The following APLP2 variants were observed in gnomAD, a reference collection of about 807,000 sequenced individuals.
APLP2 encodes the protein amyloid beta precursor like protein 2.
In APLP2, 53 loss-of-function variants were observed where a neutral mutation model predicts 89.9. That is an observed-to-expected ratio of 0.59 (90% confidence interval 0.47 to 0.74). The LOEUF is 0.74. APLP2 is among the 30% of genes least tolerant of loss of function. The probability of loss-of-function intolerance (pLI) is 0.00; values close to 1 mark genes in which losing one functional copy is unlikely to be tolerated. For synonymous variants in APLP2, 372 were observed against 348.6 expected (o/e 1.07, Z -0.75); for missense variants, 973 against 975.9 (o/e 1.00, Z 0.04).
At chr11:130,117,441 C>A (rs1248831798) in intron 3 of APLP2, among the ~76,000 whole-genome samples, 2 of 151,972 alleles carry the variant, frequency 1.3e-5, no homozygotes, top group African/African-American at 4.8e-5. Flanking sequence ...TTTGCTTCAT[C>A]TCCATCTTTT....
chr11:130,087,640 C>T (rs1210589816), intron 1 of APLP2, among the ~76,000 whole-genome samples: 5 of 152,098 alleles, frequency 3.3e-5, no homozygotes, highest in Non-Finnish European at 7.4e-5. Context: ...TATTTAACAC[C>T]ATGGCAGGTT....
chr11:130,138,984 A>G (rs1591852711), intron 13 of APLP2: 1 of 152,080 alleles, frequency 6.6e-6, no homozygotes, highest in East Asian at 1.9e-4. Flanking sequence ...GGAGAGAGAA[A>G]CATATATATG....
chr11:130,129,788 G>A (rs1036822014), intron 10 of APLP2, among the ~76,000 whole-genome samples: 13 of 152,226 alleles, frequency 8.5e-5, no homozygotes, highest in African/African-American at 2.2e-4. Flanking sequence ...AGAAGAGAAC[G>A]GGAGTGGGCA....
At chr11:130,124,243 G>A (rs556762504) in intron 7 of APLP2, among the ~76,000 whole-genome samples, 1 of 152,344 alleles carries the variant, frequency 6.6e-6, no homozygotes, top group African/African-American at 2.4e-5. Context: ...CTCGAAAGGA[G>A]TGACAGTGAA....
intron 1 of APLP2, among the ~76,000 whole-genome samples, chr11:130,106,451 A>C (rs573526578): frequency 6.6e-6 from 1 of 152,198 alleles, no homozygotes; most frequent in Non-Finnish European, 1.5e-5. Flanking sequence ...GTGCAACTAG[A>C]GAAAGCATCA....
intron 10 of APLP2, 22 bp downstream of exon 10, chr11:130,129,228 G>T: frequency 6.2e-7 from 1 of 1,602,872 alleles, no homozygotes; most frequent in Non-Finnish European, 8.5e-7. Flanking sequence ...CCCTAGCACT[G>T]CCTGCCCTGA....
intron 8 of APLP2, 80 bp from the exon 9 acceptor site, chr11:130,127,686 T>C (rs746490640): frequency 4.7e-5 from 55 of 1,159,308 alleles, no homozygotes; most frequent in African/African-American, 9.1e-5. Flanking sequence ...AGATTTAGCA[T>C]CTGACAGTGT....
chr11:130,120,740 A>C lies in APLP2; in HGVS notation c.438A>C (p.Pro146=). The C allele has an allele frequency of 6.2e-7, 1 of 1,613,998 alleles. No individual in the cohort carries two copies. ...GEFVSDVLLV[P]EKCQFFHKER... ...TTGTAAGTGATGTCCTGCTAGTTCC[A>C]GAAAAGTGCCAGTTTTTCCACAAAG... is the stretch of plus-strand genomic sequence containing the variant. Residue 146 remains proline, a synonymous_variant, in exon 4 of 17, where the codon CCA becomes CCC. Coordinates refer to ENST00000338167, the MANE Select transcript of APLP2 (RefSeq NM_001142276.2).
At chr11:130,142,612 GTTTTGGTT>G (rs371496726) in intron 16 of APLP2, among the ~76,000 whole-genome samples, 8 of 151,970 alleles carry the variant, frequency 5.3e-5, no homozygotes, top group South Asian at 2.1e-4. Flanking sequence ...TTTTTTGTTT[GTTTTGGTT>G]TTTTGGTTTT....
At chr11:130,109,716 A>G in intron 2 of APLP2, 114 bp downstream of exon 2, 2 of 1,165,130 alleles carry the variant, frequency 1.7e-6, no homozygotes, top group Non-Finnish European at 1.2e-6. Flanking sequence ...CAAGATGCTA[A>G]TGACTGGAGC....
At chr11:130,092,808 G>A (rs118049564) in intron 1 of APLP2, among the ~76,000 whole-genome samples, 2 of 152,176 alleles carry the variant, frequency 1.3e-5, no homozygotes, top group Non-Finnish European at 2.9e-5. Flanking sequence ...AGAACAGGAA[G>A]GGAGAGATGC....
chr11:130,073,781 G>A (rs955839978), intron 1 of APLP2, among the ~76,000 whole-genome samples: 9 of 151,762 alleles, frequency 5.9e-5, no homozygotes, highest in East Asian at 5.8e-4. Flanking sequence ...ACAGTGAGCC[G>A]AGATCACACC....
chr11:130,087,188 ATTC>A (rs1234448015), intron 1 of APLP2, among the ~76,000 whole-genome samples: 1 of 152,186 alleles, frequency 6.6e-6, no homozygotes, highest in African/African-American at 2.4e-5. Context: ...GGTGAATTTT[ATTC>A]TTTTAGAGTA....
chr11:130,101,973 C>G, intron 1 of APLP2: 1 of 456,262 alleles, frequency 2.2e-6, no homozygotes, highest in Non-Finnish European at 4.4e-6. Flanking sequence ...TCAGCACCCT[C>G]AAATGTCTCA....
intron 1 of APLP2, among the ~76,000 whole-genome samples, chr11:130,088,555 G>A (rs530504741): frequency 6.6e-6 from 1 of 152,170 alleles, no homozygotes; most frequent in African/African-American, 2.4e-5. Context: ...TCCAGGAAAA[G>A]CAAATGTCAT....
chr11:130,114,630 A>T (rs1234058027), intron 3 of APLP2, among the ~76,000 whole-genome samples: 1 of 152,048 alleles, frequency 6.6e-6, no homozygotes, highest in Non-Finnish European at 1.5e-5. Context: ...CTCCAAGTCC[A>T]TTCTGTATTT....
chr11:130,143,294 T>C (rs1262921303), intron 16 of APLP2, 53 bp from the exon 17 acceptor site: 7 of 1,521,680 alleles, frequency 4.6e-6, no homozygotes, highest in Non-Finnish European at 6.4e-6. Flanking sequence ...CCCAGCACCC[T>C]GTGCAGGTCT....
intron 1 of APLP2, among the ~76,000 whole-genome samples, chr11:130,098,445 T>A (rs928341637): frequency 7.3e-5 from 11 of 151,692 alleles, no homozygotes; most frequent in African/African-American, 2.7e-4. Flanking sequence ...TGAATTTGTT[T>A]TCTTATTTTT....
chr11:130,116,412 G>GT (rs1296074474), intron 3 of APLP2, among the ~76,000 whole-genome samples: 4 of 152,048 alleles, frequency 2.6e-5, no homozygotes, highest in Non-Finnish European at 5.9e-5. Context: ...GTTTGTTCTA[G>GT]TTTTTTGATA....
Sources: allele counts gnomAD v4.1 joint callset (sites outside exome capture counted in the v4.1 genomes callset), GRCh38; gene constraint gnomAD v4.1.1; transcripts MANE v1.5; gene names NCBI Gene and HGNC (gene_info 2026-07-23, HGNC 2026-07-21).